Variants in SPIDR observed in about 807,000 individuals in gnomAD.
The protein encoded by SPIDR is scaffold protein involved in DNA repair, also known as DNA repair-scaffolding protein.
Under a neutral mutation model 104.6 loss-of-function variants are expected in SPIDR, and 93 were observed. The ratio of observed to expected loss-of-function variants is 0.89; its 90% CI spans 0.75 to 1.06. The LOEUF (loss-of-function observed/expected upper bound fraction) is 1.06. Ranked by LOEUF, SPIDR falls within the 50% of genes least tolerant of loss-of-function variation. The pLI is 0.00. For synonymous variants in SPIDR, 431 were observed against 416.9 expected, an observed-to-expected ratio of 1.03 and a Z score of -0.41; for missense variants, 1,154 against 1,111.2, an observed-to-expected ratio of 1.04 and a Z score of -0.55.
intron 8 of SPIDR, among the ~76,000 whole-genome samples, chr8:47,463,203 C>CA (rs1214213358): frequency 4.6e-5 from 7 of 151,202 alleles, no homozygotes; most frequent in Non-Finnish European, 8.9e-5. Context: ...CTAAAAAATA[C>CA]AAAAAAAATT....
At chr8:47,406,265 C>T (rs1219845051) in intron 6 of SPIDR, among the ~76,000 whole-genome samples, 25 of 152,180 alleles carry the variant, frequency 1.6e-4, no homozygotes, top group Non-Finnish European at 5.9e-5. Flanking sequence ...AGAGTTTGAA[C>T]TCTGGAACCA....
intron 19 of SPIDR, among the ~76,000 whole-genome samples, chr8:47,731,465 C>T (rs999180820): frequency 6.6e-6 from 1 of 152,186 alleles, no homozygotes; most frequent in Non-Finnish European, 1.5e-5. Context: ...CTGAGCCTCC[C>T]GCATTCTCAC....
At position 47,728,917 on chromosome 8, in the gene SPIDR, G is replaced by C. The variant is rs1362643981; in HGVS notation, c.2436-16G>C. On this transcript the variant is annotated splice_polypyrimidine_tract_variant and intron_variant, in intron 17 of 19. Coordinates refer to ENST00000297423, the MANE Select transcript of SPIDR (RefSeq NM_001080394.4). ...CCTCCCGGGGCCTTGTCTTTCCTTGGCTTTTCATATACCAGAGGCGCCTTT... is the reference window on the plus strand; with the variant it reads ...CCTCCCGGGGCCTTGTCTTTCCTTGCCTTTTCATATACCAGAGGCGCCTTT... The C allele has an allele frequency of 6.3e-7, 1 of 1,595,360 alleles. No individual in the cohort carries two copies. The highest frequency in any genetic ancestry group is 2.2e-5 in the East Asian group (1 of 44,602).
intron 8 of SPIDR, among the ~76,000 whole-genome samples, chr8:47,482,321 G>T (rs1406076684): frequency 1.3e-5 from 2 of 152,126 alleles, no homozygotes; most frequent in African/African-American, 2.4e-5. Context: ...TATAGTCCCA[G>T]CTACTCAGGA....
chr8:47,649,557 T>C (rs1335421946), intron 10 of SPIDR, among the ~76,000 whole-genome samples: 1 of 152,122 alleles, frequency 6.6e-6, no homozygotes, highest in Non-Finnish European at 1.5e-5. Flanking sequence ...GGGTGAAACA[T>C]GAGTGAGTAG....
At chr8:47,430,251 T>C (rs2067126036) in intron 7 of SPIDR, among the ~76,000 whole-genome samples, 1 of 152,192 alleles carries the variant, frequency 6.6e-6, no homozygotes, top group Non-Finnish European at 1.5e-5. Context: ...TCCCTACCCA[T>C]TTGTTGAAAT....
intron 8 of SPIDR, among the ~76,000 whole-genome samples, chr8:47,576,870 G>A (rs1381360732): frequency 6.6e-6 from 1 of 152,132 alleles, no homozygotes; most frequent in Non-Finnish European, 1.5e-5. Context: ...GTGATATTAT[G>A]GCTTGTATGT....
intron 10 of SPIDR, among the ~76,000 whole-genome samples, chr8:47,638,424 G>A (rs550288403): frequency 2.3e-4 from 35 of 152,246 alleles, no homozygotes; most frequent in South Asian, 1.7e-3. Context: ...GATTACAGGC[G>A]TGAGCCACCA....
chr8:47,371,173 G>A (rs1193765277), intron 5 of SPIDR, among the ~76,000 whole-genome samples: 1 of 147,388 alleles, frequency 6.8e-6, no homozygotes, highest in Non-Finnish European at 1.5e-5. Context: ...AACCATTAAA[G>A]TATAGATGCC....
chr8:47,424,668 G>A (rs2066134449), intron 7 of SPIDR, among the ~76,000 whole-genome samples: 1 of 152,248 alleles, frequency 6.6e-6, no homozygotes, highest in African/African-American at 2.4e-5. Context: ...CAGGAAGAGA[G>A]TAAAGAAAAA....
chr8:47,539,753 A>G (rs1317828153), intron 8 of SPIDR, among the ~76,000 whole-genome samples: 2 of 151,982 alleles, frequency 1.3e-5, no homozygotes, highest in African/African-American at 4.8e-5. Flanking sequence ...TTCTTAAAAA[A>G]AAAAAAAACC....
At chr8:47,612,672 G>T (rs1398497839) in intron 10 of SPIDR, among the ~76,000 whole-genome samples, 4 of 152,174 alleles carry the variant, frequency 2.6e-5, no homozygotes, top group Non-Finnish European at 5.9e-5. Context: ...ATAGCCCAAG[G>T]AGCTGAGGAG....
intron 8 of SPIDR, among the ~76,000 whole-genome samples, chr8:47,481,722 C>T (rs1429741224): frequency 6.6e-6 from 1 of 152,140 alleles, no homozygotes; most frequent in Middle Eastern, 3.2e-3. Context: ...GAGACCAGCC[C>T]ATGTGAGTGA....
At chr8:47,616,927 G>A (rs2154433436) in intron 10 of SPIDR, among the ~76,000 whole-genome samples, 1 of 152,254 alleles carries the variant, frequency 6.6e-6, no homozygotes, top group East Asian at 1.9e-4. Context: ...TCATTGTCAT[G>A]TCTCCTTAGG....
chr8:47,570,920 G>A (rs892419247), intron 8 of SPIDR, among the ~76,000 whole-genome samples: 9 of 151,982 alleles, frequency 5.9e-5, no homozygotes, highest in East Asian at 3.9e-4. Flanking sequence ...GTGAAACCCC[G>A]TCTCTACTAA....
intron 1 of SPIDR, among the ~76,000 whole-genome samples, chr8:47,266,682 G>A (rs2034128469): frequency 6.6e-6 from 1 of 152,192 alleles, no homozygotes; most frequent in Admixed American, 6.5e-5. Context: ...ATAAGAAACT[G>A]ACAAACTTTT....
chr8:47,518,717 A>G (rs2083532597), intron 8 of SPIDR, among the ~76,000 whole-genome samples: 1 of 151,774 alleles, frequency 6.6e-6, no homozygotes, highest in African/African-American at 2.4e-5. Context: ...GCTCACTGCA[A>G]GCTCTGCCTC....
At chr8:47,555,459 G>T (rs2091207874) in intron 8 of SPIDR, among the ~76,000 whole-genome samples, 1 of 152,136 alleles carries the variant, frequency 6.6e-6, no homozygotes, top group South Asian at 2.1e-4. Context: ...AGAAGAAACT[G>T]GGAGATAGAT....
chr8:47,523,478 A>T (rs903984807), intron 8 of SPIDR, among the ~76,000 whole-genome samples: 43 of 152,182 alleles, frequency 2.8e-4, no homozygotes, highest in Admixed American at 2.7e-3. Context: ...GGCCAGCTGA[A>T]TGTGGAGAGT....
Sources: allele counts gnomAD v4.1 joint callset (sites outside exome capture counted in the v4.1 genomes callset), GRCh38; gene constraint gnomAD v4.1.1; transcripts MANE v1.5; gene names NCBI Gene and HGNC (gene_info 2026-07-23, HGNC 2026-07-21).